Variants in ZGRF1 observed in about 807,000 individuals in gnomAD.
The protein encoded by ZGRF1 is 5'-3' DNA helicase ZGRF1.
Under a neutral mutation model 203.5 loss-of-function variants are expected in ZGRF1, and 196 were observed. That is an observed-to-expected ratio of 0.96 (90% CI 0.86 to 1.08). The LOEUF is 1.08. Among genes scored for constraint, ZGRF1 ranks in the 50% least tolerant of loss-of-function variants. ZGRF1 has a pLI of 0.00. For synonymous variants in ZGRF1, 809 were observed against 841.3 expected (o/e 0.96, Z 0.66); for missense variants, 2,326 against 2,416.3 (o/e 0.96, Z 0.78).
intron 3 of ZGRF1, among the ~76,000 whole-genome samples, chr4:112,627,568 C>T (rs942874055): frequency 2.0e-5 from 3 of 152,034 alleles, no homozygotes; most frequent in African/African-American, 4.8e-5. Flanking sequence ...TGGTGAAACC[C>T]GTCTCTACCA....
chr4:112,612,546 TGAG>T lies in ZGRF1; in HGVS notation c.2642_2644del (p.Pro881del). The T allele has an allele frequency of 1.2e-6, 2 of 1,607,572 alleles. No homozygotes were observed. The highest frequency in any genetic ancestry group is 1.1e-5 in the South Asian group (1 of 90,426). ...TACCTGTTGAGAATCCTTGTGCAGA[TGAG>T]GAGACTTTGGTGAAACTACTGTAAT... On this transcript the variant is annotated inframe_deletion, in exon 7 of 28. Coordinates refer to ENST00000505019, the MANE Select transcript of ZGRF1 (RefSeq NM_018392.5).
In ZGRF1 at chr4:112,560,735, T is replaced by C; in HGVS notation, c.4958A>G (p.His1653Arg). ...TTATTTTCTTTCTTGCTTCTTACCA[T>C]GTATGATTGTGATAGGGAAGGTATG... ...QTHTFPITIIHGVFGAGKSYL... is the reference protein window; with the variant it reads ...QTHTFPITIIRGVFGAGKSYL... Residue 1653 changes from histidine (H) to arginine (R), a missense_variant and splice_region_variant, in exon 19 of 28, where the codon CAT (histidine) becomes CGT (arginine). Coordinates refer to ENST00000505019, the MANE Select transcript of ZGRF1 (RefSeq NM_018392.5). 6.3e-7 allele frequency: 1 copy of C among 1,576,206 alleles called. No homozygotes were observed. The highest frequency in any genetic ancestry group is 8.7e-7 in the Non-Finnish European group (1 of 1,155,466).
intron 8 of ZGRF1, among the ~76,000 whole-genome samples, chr4:112,608,571 G>T (rs958945462): frequency 6.6e-6 from 1 of 151,398 alleles, no homozygotes; most frequent in Non-Finnish European, 1.5e-5. Flanking sequence ...GGTGAGCCGA[G>T]ATCACACCAT....
chr4:112,627,438 A>G (rs1470739001), intron 3 of ZGRF1, among the ~76,000 whole-genome samples: 1 of 152,132 alleles, frequency 6.6e-6, no homozygotes, highest in Non-Finnish European at 1.5e-5. Flanking sequence ...TGCCAAACCA[A>G]TCTTTCTAAA....
rs533246525 is a variant in ZGRF1, at chr4:112,551,470, C to A, written c.5346+2365G>T. The stretch of plus-strand genomic sequence containing the variant: ...ACAAACTAACAAAAAATATGCTTTA[C>A]AAATTAAATACTGCCTCCACAGATC... On this transcript the variant is annotated intron_variant, in intron 22 of 27. Transcript: ENST00000505019. Among the ~76,000 whole-genome samples the A allele has an allele frequency of 2.0e-5, 3 of 152,294 alleles. No homozygotes were observed. In the East Asian group the frequency reaches 5.8e-4, roughly 29 times the overall value.
intron 1 of ZGRF1, among the ~76,000 whole-genome samples, chr4:112,634,256 ACAGCAGGGGCACC>A (rs1186018395): frequency 3.3e-5 from 5 of 152,240 alleles, no homozygotes; most frequent in Non-Finnish European, 7.3e-5. Flanking sequence ...AGGAATAAGC[ACAGCAGGGGCACC>A]CAGCTTGGTG....
At chr4:112,600,845 C>A (rs1480536195) in intron 10 of ZGRF1, among the ~76,000 whole-genome samples, 1 of 152,142 alleles carries the variant, frequency 6.6e-6, no homozygotes, top group Admixed American at 6.6e-5. Flanking sequence ...ACATTCTCAC[C>A]ACCTGTTTCT....
intron 1 of ZGRF1, among the ~76,000 whole-genome samples, chr4:112,635,614 A>G (rs1455675475): frequency 1.3e-5 from 2 of 148,710 alleles, no homozygotes; most frequent in Non-Finnish European, 3.0e-5. Context: ...TTATGTAATT[A>G]TATAATATAT....
chr4:112,558,127 T>A (rs754351546), intron 20 of ZGRF1, 23 bp downstream of exon 20: 1 of 1,591,302 alleles, frequency 6.3e-7, no homozygotes, highest in South Asian at 1.1e-5. Flanking sequence ...CATTAGCTAC[T>A]TAAATGCACT....
At chr4:112,546,436 T>A (rs540626900) in intron 24 of ZGRF1, among the ~76,000 whole-genome samples, 2 of 152,322 alleles carry the variant, frequency 1.3e-5, no homozygotes, top group Admixed American at 1.3e-4. Flanking sequence ...AAAAAAAAGT[T>A]TTTTTTAAGA....
intron 16 of ZGRF1, among the ~76,000 whole-genome samples, chr4:112,566,058 A>G (rs1353137468): frequency 2.0e-5 from 3 of 152,030 alleles, no homozygotes; most frequent in Non-Finnish European, 4.4e-5. Context: ...TATGTTTATT[A>G]CGGCACTATT....
chr4:112,627,596 C>T (rs2047280641), intron 3 of ZGRF1, among the ~76,000 whole-genome samples: 1 of 152,090 alleles, frequency 6.6e-6, no homozygotes, highest in African/African-American at 2.4e-5. Context: ...AAAAATTAGC[C>T]AAGTGTGGTG....
rs138122508 is a variant in ZGRF1 at position 112,588,406 on chromosome 4, CTA to C, written c.3128-479_3128-478del. On this transcript the variant is annotated intron_variant, in intron 11 of 27. Coordinates refer to ENST00000505019, the MANE Select transcript of ZGRF1 (RefSeq NM_018392.5). The stretch of plus-strand genomic sequence containing the variant: ...GGAAGCTCATGGTTCATTTATATGA[CTA>C]TGTGATTGTAACTTCCTTTATATAT... Among the ~76,000 whole-genome samples, 584 of 152,184 alleles carry C rather than the reference CTA, an allele frequency of 3.8e-3. 3 individuals carry two copies. Among genetic ancestry groups the C allele is most frequent in the Non-Finnish European group, 6.4e-3 (437 of 68,002 alleles).
Position 112,603,597 on chromosome 4 carries a change from C to G in ZGRF1, c.2903G>C (p.Ser968Thr), listed in dbSNP as rs759669167. ...TGTCATAAAGTTTTCATACTCAGTG[C>G]TATCTGGAAACTGACTGCATCCTAG... ...SQLGCSQFPDSTEYENFMTET... is the reference protein window; with the variant it reads ...SQLGCSQFPDTTEYENFMTET... Residue 968 changes from serine (S) to threonine (T), a missense_variant, in exon 10 of 28, where the codon AGC becomes ACC. Coordinates refer to ENST00000505019, the MANE Select transcript of ZGRF1 (RefSeq NM_018392.5). The G allele has an allele frequency of 6.2e-7, 1 of 1,613,568 alleles. No individual in the cohort carries two copies. Among genetic ancestry groups the G allele is most frequent in the Non-Finnish European group, 8.5e-7 (1 of 1,179,474 alleles).
At chr4:112,596,754 T>A (rs900328535) in intron 10 of ZGRF1, among the ~76,000 whole-genome samples, 1 of 152,044 alleles carries the variant, frequency 6.6e-6, no homozygotes, top group Non-Finnish European at 1.5e-5. Context: ...CCACCACGCC[T>A]GGCTAATTTT....
chr4:112,548,547 A>T (rs921868503), intron 22 of ZGRF1, among the ~76,000 whole-genome samples, 167 bp from the exon 23 acceptor site: 1 of 151,986 alleles, frequency 6.6e-6, no homozygotes, highest in African/African-American at 2.4e-5. Context: ...TATTATTCCT[A>T]CATACAAAAT....
chr4:112,617,544 C>CGGTGGTCGCCGT lies in ZGRF1; in HGVS notation c.2497_2498insACGGCGACCACC (p.Cys833delinsTyrGlyAspHisArg). 1 of 1,613,300 alleles carries CGGTGGTCGCCGT rather than the reference C, an allele frequency of 6.2e-7. No individual in the cohort carries two copies. The highest frequency in any genetic ancestry group is 1.1e-5 in the South Asian group (1 of 90,904). ...GCTGTCTAAAGCAGTACTGTGTTCA[C>CGGTGGTCGCCGT]ATAGCGACTTTAAAATAGAAATGGT... On this transcript the variant is annotated protein_altering_variant, in exon 6 of 28. Transcript: ENST00000505019.
In ZGRF1 at chr4:112,631,937, C is replaced by T; in HGVS notation, c.95G>A (p.Gly32Glu). 1 of 1,588,870 alleles carries T rather than the reference C, an allele frequency of 6.3e-7. No individual in the cohort carries two copies. The highest frequency in any genetic ancestry group is 8.6e-7 in the Non-Finnish European group (1 of 1,165,094). ...QDGILKITHLGNKAILYDDKG... is the reference protein window; with the variant it reads ...QDGILKITHLENKAILYDDKG... ...CAACTGCTTTGTACTCACTTTGTTT[C>T]CTAAGTGAGTGATCTTCAGAATTCC... Residue 32 changes from glycine (G) to glutamate (E), a missense_variant, in exon 3 of 28, where the codon GGA becomes GAA. By Grantham distance (98) the Gly-to-Glu change is moderately conservative. Transcript: ENST00000505019.
chr4:112,625,161 C>T (rs1205004089), intron 3 of ZGRF1, among the ~76,000 whole-genome samples: 1 of 152,154 alleles, frequency 6.6e-6, no homozygotes, highest in Non-Finnish European at 1.5e-5. Context: ...GTGGTGCAAG[C>T]CTAAGTAGTC....
Sources: allele counts gnomAD v4.1 joint callset (sites outside exome capture counted in the v4.1 genomes callset), GRCh38; gene constraint gnomAD v4.1.1; transcripts MANE v1.5; gene names NCBI Gene and HGNC (gene_info 2026-07-23, HGNC 2026-07-21).